Variants in CACNB2 observed in about 807,000 individuals in gnomAD.
CACNB2 encodes the protein calcium voltage-gated channel auxiliary subunit beta 2.
In CACNB2, 42 loss-of-function variants were observed where a neutral mutation model predicts 73.3. The ratio of observed to expected loss-of-function variants is 0.57; its 90% CI spans 0.45 to 0.74. The LOEUF (loss-of-function observed/expected upper bound fraction) is 0.74. CACNB2 is among the 30% of genes least tolerant of loss of function. The pLI, the probability that CACNB2 is intolerant of heterozygous loss-of-function variation, is 0.00. For synonymous variants in CACNB2, 348 were observed against 310.3 expected (o/e 1.12, Z -1.28); for missense variants, 940 against 853.0 (o/e 1.10, Z -1.27).
At chr10:18,259,829 G>A (rs1244779619) in intron 2 of CACNB2, among the ~76,000 whole-genome samples, 2 of 152,034 alleles carry the variant, frequency 1.3e-5, no homozygotes, top group Non-Finnish European at 2.9e-5. Context: ...CCTGAGCAAG[G>A]CAATCAAGAG....
intron 3 of CACNB2, among the ~76,000 whole-genome samples, chr10:18,494,760 C>G (rs1324953584): frequency 2.6e-5 from 4 of 151,052 alleles, no homozygotes; most frequent in Non-Finnish European, 4.4e-5. Context: ...ATGGATGGAT[C>G]TACTAATGGA....
chr10:18,344,348 T>G (rs558255382), intron 2 of CACNB2, among the ~76,000 whole-genome samples: 5 of 151,914 alleles, frequency 3.3e-5, no homozygotes, highest in Non-Finnish European at 7.4e-5. Context: ...TTTGCAGTTA[T>G]TTTCATTATT....
intron 3 of CACNB2, among the ~76,000 whole-genome samples, chr10:18,429,182 T>C (rs1238969429): frequency 3.3e-5 from 5 of 152,226 alleles, no homozygotes; most frequent in Admixed American, 3.3e-4. Flanking sequence ...GATTGTAGGT[T>C]TATACTTTTT....
intron 2 of CACNB2, among the ~76,000 whole-genome samples, chr10:18,243,393 A>G (rs1163174062): frequency 6.6e-6 from 1 of 152,198 alleles, no homozygotes; most frequent in Non-Finnish European, 1.5e-5. Context: ...GGCTGTTTAC[A>G]GGGATCATGC....
intron 5 of CACNB2, among the ~76,000 whole-genome samples, chr10:18,503,431 T>C (rs1369562710): frequency 6.6e-6 from 1 of 152,120 alleles, no homozygotes; most frequent in African/African-American, 2.4e-5. Context: ...ACCCTGTCTC[T>C]ACCAAAAGTA....
intron 2 of CACNB2, among the ~76,000 whole-genome samples, chr10:18,323,106 C>T (rs1052498324): frequency 6.6e-6 from 1 of 151,458 alleles, no homozygotes; most frequent in African/African-American, 2.4e-5. Context: ...GGACTACAGG[C>T]ACATGCCACC....
intron 1 of CACNB2, 145 bp downstream of exon 1, chr10:18,141,001 G>T: frequency 6.6e-7 from 1 of 1,524,098 alleles, no homozygotes; most frequent in Non-Finnish European, 8.8e-7. Context: ...CTCCTCTCCT[G>T]GCGCCGGGGA....
intron 10 of CACNB2, among the ~76,000 whole-genome samples, chr10:18,529,435 G>C (rs2052780957): frequency 6.6e-6 from 1 of 152,226 alleles, no homozygotes. Context: ...TTGAGATAGA[G>C]GGTGATGAGC....
chr10:18,211,120 C>G (rs1165683093), intron 2 of CACNB2, among the ~76,000 whole-genome samples: 2 of 152,148 alleles, frequency 1.3e-5, no homozygotes, highest in East Asian at 1.9e-4. Context: ...ATGTTGTAAA[C>G]AGACTTGGAG....
At position 18,416,479 on chromosome 10, in the gene CACNB2, C is replaced by G. The variant is rs185080593; in HGVS notation, c.333+14436C>G. On this transcript the variant is annotated intron_variant, in intron 3 of 13. Transcript: ENST00000324631. ...TCACCCAGGCTGGAGTGCATTGGCA[C>G]GATCTCAGCTCACTGCAACCTCCAC... Among the ~76,000 whole-genome samples, 205 of 152,280 alleles carry G rather than the reference C, an allele frequency of 1.3e-3. 9 individuals are homozygous for G. The East Asian group carries it at 0.033, about 24-fold the overall frequency.
chr10:18,231,804 C>G (rs933545001), intron 2 of CACNB2, among the ~76,000 whole-genome samples: 1 of 152,180 alleles, frequency 6.6e-6, no homozygotes, highest in African/African-American at 2.4e-5. Context: ...TTATTCAAGA[C>G]TCATTGTTCA....
chr10:18,452,899 G>A (rs781511562), intron 3 of CACNB2, among the ~76,000 whole-genome samples: 17 of 152,162 alleles, frequency 1.1e-4, no homozygotes, highest in Admixed American at 1.3e-4. Context: ...AATATCCCAC[G>A]CTTGATAGCA....
intron 3 of CACNB2, among the ~76,000 whole-genome samples, chr10:18,437,872 A>G (rs1359803355): frequency 6.6e-6 from 1 of 152,156 alleles, no homozygotes; most frequent in Non-Finnish European, 1.5e-5. Flanking sequence ...AGTTTTTGTA[A>G]TCGAGGCAAA....
chr10:18,294,377 A>G (rs770317522), intron 2 of CACNB2, among the ~76,000 whole-genome samples: 4 of 152,208 alleles, frequency 2.6e-5, no homozygotes, highest in Non-Finnish European at 5.9e-5. Context: ...TCATCCTGGT[A>G]CAAGGGTTCG....
At chr10:18,400,022 G>A (rs983905320) in intron 2 of CACNB2, among the ~76,000 whole-genome samples, 3 of 152,170 alleles carry the variant, frequency 2.0e-5, no homozygotes, top group Non-Finnish European at 2.9e-5. Flanking sequence ...TCACACTGCT[G>A]TTTATGCCAG....
At chr10:18,442,415 G>A (rs201467492) in intron 3 of CACNB2, among the ~76,000 whole-genome samples, 9 of 151,950 alleles carry the variant, frequency 5.9e-5, no homozygotes, top group South Asian at 2.1e-4. Context: ...CTCCCAAAGC[G>A]CTGGAATTAT....
chr10:18,381,650 T>C (rs1002077745), intron 2 of CACNB2, among the ~76,000 whole-genome samples: 4 of 146,036 alleles, frequency 2.7e-5, no homozygotes, highest in Non-Finnish European at 5.9e-5. Flanking sequence ...ATCAGGCCAC[T>C]GCTCTCCAGC....
At chr10:18,396,007 A>C (rs889352525) in intron 2 of CACNB2, among the ~76,000 whole-genome samples, 1 of 152,166 alleles carries the variant, frequency 6.6e-6, no homozygotes, top group Non-Finnish European at 1.5e-5. Flanking sequence ...CCCAAGCTGG[A>C]GTACAGTGTT....
chr10:18,436,623 G>A (rs2046150170), intron 3 of CACNB2, among the ~76,000 whole-genome samples: 1 of 152,116 alleles, frequency 6.6e-6, no homozygotes, highest in African/African-American at 2.4e-5. Flanking sequence ...TTGTTTGTTT[G>A]TTTGTTTTTT....
Sources: gnomAD v4.1 joint callset for allele counts (sites outside exome capture counted in the v4.1 genomes callset) on GRCh38, gnomAD v4.1.1 for gene constraint, MANE v1.5 for transcripts, NCBI Gene and HGNC (gene_info 2026-07-23, HGNC 2026-07-21) for gene names.